The following LRRC4C variants were observed in gnomAD, a reference collection of about 807,000 sequenced individuals.
LRRC4C encodes leucine rich repeat containing 4C, also known as leucine-rich repeat-containing protein 4C.
Under a neutral mutation model 33.6 loss-of-function variants are expected in LRRC4C, and 5 were observed. The observed-to-expected ratio is 0.15, with a 90% CI of 0.08 to 0.31. The LOEUF (loss-of-function observed/expected upper bound fraction) is 0.31. LRRC4C is among the 10% of genes least tolerant of loss of function. The pLI is 1.00. For synonymous variants in LRRC4C, 329 were observed against 302.0 expected, an observed-to-expected ratio of 1.09 and a Z score of -0.93; for missense variants, 560 against 796.7, an observed-to-expected ratio of 0.70 and a Z score of 3.58.
At chr11:40,463,419 C>T (rs963216115) in intron 3 of LRRC4C, among the ~76,000 whole-genome samples, 1 of 151,250 alleles carries the variant, frequency 6.6e-6, no homozygotes, top group African/African-American at 2.4e-5. Context: ...CAAATGCTTA[C>T]TATAGATACT....
intron 3 of LRRC4C, among the ~76,000 whole-genome samples, chr11:40,426,204 G>T (rs1043764890): frequency 6.6e-6 from 1 of 151,672 alleles, no homozygotes; most frequent in Admixed American, 6.6e-5. Context: ...TAGTAGAGAC[G>T]GGGTTTCACC....
chr11:40,629,507 A>C (rs990448441), intron 3 of LRRC4C, among the ~76,000 whole-genome samples: 1 of 152,322 alleles, frequency 6.6e-6, no homozygotes, highest in Non-Finnish European at 1.5e-5. Flanking sequence ...ATGTTGGAGT[A>C]AATTTCATGA....
chr11:41,022,142 T>TTATATATATATATATATATA (rs142909883), intron 1 of LRRC4C, among the ~76,000 whole-genome samples: 81 of 139,046 alleles, frequency 5.8e-4, no homozygotes, highest in African/African-American at 2.0e-3. Context: ...CAATTTTGTT[T>TTATATATATATATATATATA]TATATATATA....
intron 3 of LRRC4C, among the ~76,000 whole-genome samples, chr11:40,343,711 G>GAAAAAAAAA (rs5791374): frequency 2.9e-5 from 3 of 104,728 alleles, no homozygotes; most frequent in African/African-American, 1.1e-4. Flanking sequence ...TTGTTTTTTT[G>GAAAAAAAAA]AAAAAAAAAA....
At chr11:40,595,565 C>G (rs987870425) in intron 3 of LRRC4C, among the ~76,000 whole-genome samples, 3 of 152,058 alleles carry the variant, frequency 2.0e-5, no homozygotes, top group African/African-American at 7.2e-5. Flanking sequence ...CCAACTCTTC[C>G]TTAACTACAT....
At chr11:40,204,398 A>G (rs1341690335) in intron 5 of LRRC4C, among the ~76,000 whole-genome samples, 2 of 151,946 alleles carry the variant, frequency 1.3e-5, no homozygotes, top group African/African-American at 4.8e-5. Flanking sequence ...CCCTTTCCTT[A>G]TAGCATTTAC....
intron 1 of LRRC4C, among the ~76,000 whole-genome samples, chr11:41,405,120 A>G (rs1429686401): frequency 6.6e-6 from 1 of 152,174 alleles, no homozygotes; most frequent in Admixed American, 6.5e-5. Flanking sequence ...GGAAGTTCAT[A>G]TGATGCTTTC....
chr11:40,902,653 G>A (rs555896355), intron 2 of LRRC4C, among the ~76,000 whole-genome samples: 8 of 152,246 alleles, frequency 5.3e-5, no homozygotes, highest in African/African-American at 7.2e-5. Flanking sequence ...GTGCTCCTCC[G>A]GTGACCATGA....
chr11:41,147,137 T>C (rs1406172372), intron 1 of LRRC4C, among the ~76,000 whole-genome samples: 1 of 152,230 alleles, frequency 6.6e-6, no homozygotes, highest in Non-Finnish European at 1.5e-5. Flanking sequence ...TTTTTGTTGT[T>C]AAACCAAGAT....
chr11:40,672,888 G>A (rs185488309), intron 2 of LRRC4C, among the ~76,000 whole-genome samples: 9 of 152,216 alleles, frequency 5.9e-5, no homozygotes, highest in South Asian at 2.1e-4. Flanking sequence ...TCACCTTCAC[G>A]TTGTTTGATG....
chr11:41,406,315 G>T (rs1267002177), intron 1 of LRRC4C, among the ~76,000 whole-genome samples: 1 of 152,134 alleles, frequency 6.6e-6, no homozygotes, highest in African/African-American at 2.4e-5. Flanking sequence ...ATCACATGAA[G>T]AAGTTGATTT....
At chr11:40,908,750 T>A (rs1336097422) in intron 2 of LRRC4C, among the ~76,000 whole-genome samples, 2 of 152,138 alleles carry the variant, frequency 1.3e-5, no homozygotes, top group Non-Finnish European at 2.9e-5. Flanking sequence ...TTGATTTGAG[T>A]GTAACTTATT....
chr11:41,403,433 C>T (rs1954100254), intron 1 of LRRC4C, among the ~76,000 whole-genome samples: 1 of 151,956 alleles, frequency 6.6e-6, no homozygotes, highest in Non-Finnish European at 1.5e-5. Context: ...AGTAGAAATT[C>T]CACATTCTAT....
chr11:40,868,149 T>G (rs1279834348), intron 2 of LRRC4C, among the ~76,000 whole-genome samples: 2 of 152,224 alleles, frequency 1.3e-5, no homozygotes, highest in East Asian at 3.9e-4. Context: ...TTTCTTAAAC[T>G]GTGTGCACAT....
chr11:41,311,963 A>G (rs928245970), intron 1 of LRRC4C, among the ~76,000 whole-genome samples: 1 of 152,230 alleles, frequency 6.6e-6, no homozygotes, highest in African/African-American at 2.4e-5. Flanking sequence ...TCTCAAGAGA[A>G]TATTTGAATT....
intron 3 of LRRC4C, among the ~76,000 whole-genome samples, chr11:40,563,192 A>T (rs1393756471): frequency 1.3e-5 from 2 of 152,168 alleles, no homozygotes; most frequent in East Asian, 1.9e-4. Context: ...ATTTTTGTAC[A>T]TACATAGCAA....
At chr11:40,492,797 C>A (rs1160304132) in intron 3 of LRRC4C, among the ~76,000 whole-genome samples, 1 of 151,824 alleles carries the variant, frequency 6.6e-6, no homozygotes, top group East Asian at 1.9e-4. Flanking sequence ...CTGTCTTTCT[C>A]TATATATACA....
intron 2 of LRRC4C, among the ~76,000 whole-genome samples, chr11:40,879,809 G>C (rs1955079678): frequency 2.0e-5 from 3 of 152,052 alleles, no homozygotes; most frequent in Non-Finnish European, 2.9e-5. Flanking sequence ...TATGTGAAAA[G>C]GCTCAAAAAC....
intron 5 of LRRC4C, among the ~76,000 whole-genome samples, chr11:40,219,034 A>G (rs566844687): frequency 1.3e-5 from 2 of 152,214 alleles, no homozygotes; most frequent in South Asian, 2.1e-4. Flanking sequence ...TGACCACTCT[A>G]TTTATAATTG....
Sources: allele counts gnomAD v4.1 joint callset (sites outside exome capture counted in the v4.1 genomes callset), GRCh38; gene constraint gnomAD v4.1.1; transcripts MANE v1.5; gene names NCBI Gene and HGNC (gene_info 2026-07-23, HGNC 2026-07-21).